TBC1D30: variants seen among roughly 807,000 people sequenced by gnomAD.
TBC1D30 encodes the protein TBC1 domain family, member 30.
A neutral mutation model predicts 63.2 loss-of-function variants in TBC1D30; 31 were observed. The observed-to-expected ratio is 0.49, with a 90% CI of 0.37 to 0.66. The LOEUF is 0.66. Ranked by LOEUF, TBC1D30 falls within the 30% of genes least tolerant of loss-of-function variation. TBC1D30 has a pLI of 0.00. For synonymous variants in TBC1D30, 307 were observed against 361.5 expected (o/e 0.85, Z 1.71); for missense variants, 810 against 953.6 (o/e 0.85, Z 1.98).
chr12:64,825,029 G>C lies in TBC1D30; in HGVS notation c.150G>C (p.Glu50Asp). Residue 50 changes from glutamate (E) to aspartate (D), a missense_variant, in exon 1 of 12, where the codon GAG (glutamate) becomes GAC (aspartate). By Grantham distance (45) the Glu-to-Asp change is conservative. Around this residue, in one of 4 missense-constraint regions of TBC1D30, gnomAD observed 272 missense variants for 335.9 expected, o/e 0.81. Coordinates refer to ENST00000539867, the MANE Select transcript of TBC1D30 (RefSeq NM_015279.2). ...RTAPRLLCTL[E>D]PGVDTKLKFT... ...CGCCCCGGCTGCTGTGCACCCTGGA[G>C]CCGGGTGAGGACCCCAGGGCTGCAG... is the stretch of plus-strand genomic sequence containing the variant. 2 of 1,532,546 alleles carry C rather than the reference G, an allele frequency of 1.3e-6. No homozygotes were observed. The highest frequency in any genetic ancestry group is 1.7e-6 in the Non-Finnish European group (2 of 1,145,874). The allele number at this position is 1,532,546 out of a possible 1,614,324, so 94.9% of individuals were successfully genotyped here. A position where few individuals can be genotyped will look rare whatever the true frequency, so the allele number is the denominator to read the frequency against.
At chr12:64,824,611 C>T (rs759769233), upstream of TBC1D30, 1 of 373,722 alleles carries the variant, frequency 2.7e-6, no homozygotes, top group Non-Finnish European at 4.7e-6. Context: ...CGCTCGCTCG[C>T]TCCCGCCCTC....
At chr12:64,846,816 T>TC (rs1248482497) in intron 8 of TBC1D30, among the ~76,000 whole-genome samples, 2 of 144,850 alleles carry the variant, frequency 1.4e-5, no homozygotes, top group Non-Finnish European at 3.0e-5. Flanking sequence ...ATTCTTGCAA[T>TC]CCATGAACAT....
At chr12:64,788,193 GT>G (rs1430408683) in intron 2 of TBC1D30, among the ~76,000 whole-genome samples, 3 of 91,440 alleles carry the variant, frequency 3.3e-5, no homozygotes, top group African/African-American at 2.3e-4. Flanking sequence ...GTGTGTAGGG[GT>G]GTGTGTGTGT....
At chr12:64,829,128 T>C (rs1393648292) in intron 3 of TBC1D30, among the ~76,000 whole-genome samples, 1 of 152,178 alleles carries the variant, frequency 6.6e-6, no homozygotes, top group African/African-American at 2.4e-5. Flanking sequence ...CCTGGTGGGC[T>C]ATCATAGGTC....
chr12:64,815,288 T>C (rs540947773), intron 2 of TBC1D30, among the ~76,000 whole-genome samples: 1 of 152,356 alleles, frequency 6.6e-6, no homozygotes, highest in East Asian at 1.9e-4. Context: ...AGTATGACTT[T>C]TTGGCTCACA....
At chr12:64,765,259 G>A (rs978783641) in intron 1 of TBC1D30, among the ~76,000 whole-genome samples, 1 of 151,196 alleles carries the variant, frequency 6.6e-6, no homozygotes, top group Non-Finnish European at 1.5e-5. Flanking sequence ...TTGGGAGGCC[G>A]AGGCGGATCA....
intron 11 of TBC1D30, among the ~76,000 whole-genome samples, chr12:64,872,411 A>T (rs759832922): frequency 2.4e-4 from 37 of 152,170 alleles, no homozygotes; most frequent in Non-Finnish European, 3.1e-4. Flanking sequence ...AGTGGCTAAA[A>T]TATTTACAGT....
chr12:64,762,823 A>G (rs1261785616), intron 1 of TBC1D30, among the ~76,000 whole-genome samples: 1 of 152,082 alleles, frequency 6.6e-6, no homozygotes. Context: ...TTTGATCAGT[A>G]TTTGCCTTTT....
rs12299729 is a variant in TBC1D30, at chr12:64,784,886, G to T, written c.479-995G>T. ...AAAATAAAGTAAAAAAAAAAAAACTGCTGTTGTGAATATTAGTTTTATGAA... is the reference window on the plus strand; with the variant it reads ...AAAATAAAGTAAAAAAAAAAAAACTTCTGTTGTGAATATTAGTTTTATGAA... On this transcript the variant is annotated intron_variant, in intron 1 of 12. Transcript: ENST00000542120. Among the ~76,000 whole-genome samples, 631 of 151,340 alleles carry T rather than the reference G, an allele frequency of 4.2e-3. 3 individuals are homozygous for T. Among genetic ancestry groups the T allele is most frequent in the African/African-American group, 0.014 (573 of 41,210 alleles).
chr12:64,838,579 G>A, intron 6 of TBC1D30, 104 bp from the exon 7 acceptor site: 1 of 1,155,458 alleles, frequency 8.7e-7, no homozygotes, highest in Non-Finnish European at 1.2e-6. Flanking sequence ...AATCAGTCAG[G>A]AAATACAACA....
chr12:64,793,708 G>A (rs1354515938), intron 2 of TBC1D30, among the ~76,000 whole-genome samples: 2 of 152,012 alleles, frequency 1.3e-5, no homozygotes, highest in Admixed American at 6.6e-5. Context: ...ATGAAAATAT[G>A]GATGAGTTCT....
At chr12:64,819,535 G>A (rs57607456) in intron 2 of TBC1D30, among the ~76,000 whole-genome samples, 2 of 147,870 alleles carry the variant, frequency 1.4e-5, no homozygotes, top group African/African-American at 5.0e-5. Context: ...TCCTGCCTCA[G>A]CCTCCCAAGT....
intron 1 of TBC1D30, among the ~76,000 whole-genome samples, chr12:64,770,113 T>A (rs946159509): frequency 5.9e-5 from 9 of 152,236 alleles, no homozygotes; most frequent in African/African-American, 2.2e-4. Flanking sequence ...TGAAACTTCC[T>A]ATGAAAATAG....
At chr12:64,771,108 G>A (rs1164394924) in intron 1 of TBC1D30, among the ~76,000 whole-genome samples, 1 of 151,964 alleles carries the variant, frequency 6.6e-6, no homozygotes, top group Non-Finnish European at 1.5e-5. Context: ...GTGGGGTTCT[G>A]TACAACATAT....
chr12:64,810,136 G>A (rs754744606), intron 2 of TBC1D30, among the ~76,000 whole-genome samples: 3 of 152,024 alleles, frequency 2.0e-5, no homozygotes, highest in Non-Finnish European at 4.4e-5. Flanking sequence ...TCAAGGCCTC[G>A]GAGAAATGAA....
At chr12:64,865,794 A>G (rs1390233608) in intron 9 of TBC1D30, among the ~76,000 whole-genome samples, 1 of 152,172 alleles carries the variant, frequency 6.6e-6, no homozygotes, top group African/African-American at 2.4e-5. Context: ...AGTTTGTAAT[A>G]GTATATTATT....
intron 2 of TBC1D30, chr12:64,786,153 G>A: frequency 2.6e-6 from 2 of 775,996 alleles, no homozygotes; most frequent in Non-Finnish European, 1.8e-6. Context: ...TTAAATGCAA[G>A]CTTATACCCT....
intron 1 of TBC1D30, among the ~76,000 whole-genome samples, chr12:64,785,132 T>C (rs1871488132): frequency 6.7e-6 from 1 of 148,374 alleles, no homozygotes; most frequent in Non-Finnish European, 1.5e-5. Context: ...TAAACATAGA[T>C]GAGTACTTTA....
intron 1 of TBC1D30, among the ~76,000 whole-genome samples, chr12:64,766,371 C>T (rs562981311): frequency 6.6e-6 from 1 of 152,094 alleles, no homozygotes; most frequent in East Asian, 1.9e-4. Context: ...GAAAATCATA[C>T]TGAGAAACAT....
Sources: gnomAD v4.1 joint callset for allele counts (sites outside exome capture counted in the v4.1 genomes callset) on GRCh38, gnomAD v4.1.1 for gene constraint, gnomAD v4.1.1 regional missense constraint, MANE v1.5 for transcripts, NCBI Gene and HGNC (gene_info 2026-07-23, HGNC 2026-07-21) for gene names.